The following CHEK1 variants were observed in gnomAD, a reference collection of about 807,000 sequenced individuals.
CHEK1 encodes the protein serine/threonine-protein kinase Chk1.
CHEK1 carries 32 observed loss-of-function variants against 60.2 expected under a neutral mutation model. The observed-to-expected ratio is 0.53, with a 90% confidence interval of 0.40 to 0.71. The LOEUF (loss-of-function observed/expected upper bound fraction) is 0.71, where lower values mean the gene tolerates loss of function less well. CHEK1 is among the 30% of genes least tolerant of loss of function. The probability of loss-of-function intolerance (pLI) is 0.00; values close to 1 mark genes in which losing one functional copy is unlikely to be tolerated. For missense variants in CHEK1, 399 were observed against 564.6 expected (o/e 0.71, Z 2.97); for synonymous variants, 179 against 187.2 (o/e 0.96, Z 0.36).
chr11:125,655,462 C>A lies in CHEK1; in HGVS notation c.*142C>A. On this transcript the variant is annotated 3_prime_UTR_variant, in exon 13 of 13. Coordinates refer to ENST00000438015, the MANE Select transcript of CHEK1 (RefSeq NM_001114122.3). ...ACTTCCCTGTTTATCCAAACATCTT[C>A]CAATTTATTTTGTTTGTTCGGCATA... 1 of 516,364 alleles carries A rather than the reference C, an allele frequency of 1.9e-6. No individual in the cohort carries two copies. The highest frequency in any genetic ancestry group is 3.6e-5 in the South Asian group (1 of 27,820). 32.0% of individuals were successfully genotyped at this position (516,364 alleles called of 1,614,324 possible).
intron 12 of CHEK1, among the ~76,000 whole-genome samples, chr11:125,654,521 GT>G (rs1198909403): frequency 6.6e-6 from 1 of 151,848 alleles, no homozygotes; most frequent in African/African-American, 2.4e-5. Context: ...ACCTTTACCA[GT>G]TATAATAATT....
chr11:125,638,672 G>A (rs3731428), intron 8 of CHEK1, among the ~76,000 whole-genome samples: 11,593 of 152,058 alleles, frequency 0.076, 518 homozygotes, highest in African/African-American at 0.12. Context: ...CATGGTACAG[G>A]TGTCCTCCTT....
At chr11:125,665,869 CTTTTTTTTTTTTTTTT>C (rs66560397) in intron 13 of CHEK1, among the ~76,000 whole-genome samples, 2 of 30,516 alleles carry the variant, frequency 6.6e-5, no homozygotes, top group Non-Finnish European at 1.2e-4. Flanking sequence ...CTTCATTCCC[CTTTTTTTTTTTTTTTT>C]TTTTTTTTTG....
chr11:125,628,214 T>A (rs1940703276), intron 3 of CHEK1, among the ~76,000 whole-genome samples: 1 of 152,192 alleles, frequency 6.6e-6, no homozygotes, highest in Non-Finnish European at 1.5e-5. Flanking sequence ...CATTTACAGA[T>A]CTAAAATAGC....
chr11:125,660,535 T>C (rs1407008126), downstream of CHEK1, among the ~76,000 whole-genome samples: 1 of 151,892 alleles, frequency 6.6e-6, no homozygotes, highest in Non-Finnish European at 1.5e-5. Flanking sequence ...TAGGTTCTGT[T>C]AATTTTGCTT....
At chr11:125,654,727 C>T (rs1198600638) in intron 12 of CHEK1, among the ~76,000 whole-genome samples, 4 of 152,218 alleles carry the variant, frequency 2.6e-5, no homozygotes, top group Middle Eastern at 3.4e-3. Context: ...GAGCATTTGC[C>T]GCAGTACTCT....
intron 13 of CHEK1, chr11:125,672,554 T>C (rs1942244891): frequency 2.5e-6 from 4 of 1,610,108 alleles, no homozygotes; most frequent in African/African-American, 1.3e-5. Context: ...GATGGAGGCT[T>C]TTTACTGCCT....
At chr11:125,633,993 T>C (rs1254206173) in intron 6 of CHEK1, among the ~76,000 whole-genome samples, 1 of 76,210 alleles carries the variant, frequency 1.3e-5, no homozygotes, top group Admixed American at 1.7e-4. Context: ...GCAAGCTCTA[T>C]TGTGGTTTTT....
intron 11 of CHEK1, among the ~76,000 whole-genome samples, chr11:125,650,489 T>C (rs1429391310): frequency 6.7e-6 from 1 of 150,220 alleles, no homozygotes; most frequent in Non-Finnish European, 1.5e-5. Flanking sequence ...GGAGCTTTGC[T>C]CTTGTTGCCC....
chr11:125,638,002 A>T (rs1367709747), intron 8 of CHEK1, among the ~76,000 whole-genome samples: 2 of 152,228 alleles, frequency 1.3e-5, no homozygotes, highest in Non-Finnish European at 2.9e-5. Flanking sequence ...TATATGGTGC[A>T]CCATAGGCAC....
intron 13 of CHEK1, among the ~76,000 whole-genome samples, chr11:125,674,443 G>C (rs565008709): frequency 6.6e-6 from 1 of 152,190 alleles, no homozygotes; most frequent in East Asian, 1.9e-4. Flanking sequence ...CATAACTGGA[G>C]AAAACATGAA....
At chr11:125,635,209 TCAGC>T (rs555666094) in intron 6 of CHEK1, among the ~76,000 whole-genome samples, 165 of 152,322 alleles carry the variant, frequency 1.1e-3, no homozygotes, top group Non-Finnish European at 1.5e-3. Context: ...TCCTTCTGCC[TCAGC>T]CTCCCAAAGT....
chr11:125,625,958 T>C lies in CHEK1; in HGVS notation c.-75T>C, dbSNP rs1046793108. On this transcript the variant is annotated 5_prime_UTR_variant, in exon 1 of 13. Transcript: ENST00000438015. ...GCGGCAGCGTGACGCCCTCAAGTTTTGGCGGGAAAAGCGCTGCATTTGGAT... is the reference window on the plus strand; with the variant it reads ...GCGGCAGCGTGACGCCCTCAAGTTTCGGCGGGAAAAGCGCTGCATTTGGAT... The C allele has an allele frequency of 2.8e-6, 2 of 702,504 alleles. No individual in the cohort carries two copies. Among genetic ancestry groups the C allele is most frequent in the African/African-American group, 3.5e-5 (2 of 57,278 alleles). 43.5% of individuals were successfully genotyped at this position (702,504 alleles called of 1,614,324 possible). A position where few individuals can be genotyped will look rare whatever the true frequency, so the allele number is the denominator to read the frequency against.
intron 5 of CHEK1, among the ~76,000 whole-genome samples, chr11:125,630,519 C>T (rs1016979363): frequency 6.6e-6 from 1 of 151,972 alleles, no homozygotes; most frequent in African/African-American, 2.4e-5. Context: ...TCATATTGGC[C>T]AGGCTGGTCT....
At chr11:125,668,749 G>T (rs1394691775) in intron 13 of CHEK1, among the ~76,000 whole-genome samples, 2 of 152,018 alleles carry the variant, frequency 1.3e-5, no homozygotes, top group Admixed American at 1.3e-4. Flanking sequence ...TAGAGAGGGG[G>T]TCTTGCTGTG....
intron 13 of CHEK1, among the ~76,000 whole-genome samples, chr11:125,669,578 C>T (rs1235630718): frequency 1.5e-5 from 2 of 131,214 alleles, no homozygotes; most frequent in Non-Finnish European, 3.1e-5. Flanking sequence ...GGCTGGAGTA[C>T]AGTGGTGCGA....
intron 8 of CHEK1, among the ~76,000 whole-genome samples, chr11:125,638,170 C>T (rs577578273): frequency 6.6e-6 from 1 of 152,272 alleles, no homozygotes; most frequent in African/African-American, 2.4e-5. Context: ...GGGGAGACCT[C>T]TGAGAGATTT....
At chr11:125,678,328 G>A (rs200851785), downstream of CHEK1, 63 of 1,604,268 alleles carry the variant, frequency 3.9e-5, no homozygotes, top group Admixed American at 5.1e-5. Flanking sequence ...AAGAGAGTTG[G>A]TGAAGCTGAC....
chr11:125,629,622 A>G (rs556355715), intron 5 of CHEK1, among the ~76,000 whole-genome samples, 162 bp downstream of exon 5: 38 of 152,334 alleles, frequency 2.5e-4, no homozygotes, highest in African/African-American at 9.1e-4. Flanking sequence ...AATTTTGGAG[A>G]CTTCGTATAT....
Sources: allele counts gnomAD v4.1 joint callset (sites outside exome capture counted in the v4.1 genomes callset), GRCh38; gene constraint gnomAD v4.1.1; transcripts MANE v1.5; gene names NCBI Gene and HGNC (gene_info 2026-07-23, HGNC 2026-07-21).